Variants in MAD1L1 observed in about 807,000 individuals in gnomAD.
MAD1L1 encodes the protein mitotic spindle assembly checkpoint protein MAD1.
A neutral mutation model predicts 96.9 loss-of-function variants in MAD1L1; 95 were observed. That is an observed-to-expected ratio of 0.98 (90% confidence interval 0.83 to 1.16). The LOEUF (loss-of-function observed/expected upper bound fraction) is 1.16. MAD1L1 is among the 50% of genes most tolerant of loss of function. The pLI is 0.00. For missense variants in MAD1L1, 1,007 were observed against 954.4 expected (o/e 1.06, Z -0.73); for synonymous variants, 473 against 396.6 (o/e 1.19, Z -2.29).
At chr7:2,102,216 G>A (rs1215075739) in intron 11 of MAD1L1, among the ~76,000 whole-genome samples, 3 of 144,600 alleles carry the variant, frequency 2.1e-5, no homozygotes, top group Middle Eastern at 3.7e-3. Context: ...CGTCACCACC[G>A]CCACCGTCGC....
chr7:2,186,888 G>A (rs1288092819), intron 10 of MAD1L1, among the ~76,000 whole-genome samples: 1 of 151,668 alleles, frequency 6.6e-6, no homozygotes, highest in Admixed American at 6.6e-5. Flanking sequence ...CCACCTACCA[G>A]GTTCAAGTGA....
At chr7:1,939,395 C>T (rs774167143) in intron 16 of MAD1L1, among the ~76,000 whole-genome samples, 33 of 152,364 alleles carry the variant, frequency 2.2e-4, no homozygotes, top group African/African-American at 6.5e-4. Flanking sequence ...CCAGGGCTCC[C>T]GCCAAGTGCT....
chr7:2,156,038 G>A (rs1192895704), intron 10 of MAD1L1, among the ~76,000 whole-genome samples: 3 of 152,250 alleles, frequency 2.0e-5, no homozygotes, highest in Non-Finnish European at 4.4e-5. Context: ...TCAGGCAGTT[G>A]CTGCAAAAAG....
intron 11 of MAD1L1, among the ~76,000 whole-genome samples, chr7:2,125,154 C>T (rs921492367): frequency 6.6e-6 from 1 of 152,160 alleles, no homozygotes; most frequent in Non-Finnish European, 1.5e-5. Flanking sequence ...CGTCAGACCC[C>T]GGGTCATGCA....
At chr7:2,174,970 G>A (rs946542740) in intron 10 of MAD1L1, among the ~76,000 whole-genome samples, 11 of 152,162 alleles carry the variant, frequency 7.2e-5, no homozygotes, top group Non-Finnish European at 1.0e-4. Context: ...GTGAGGTGGC[G>A]ACTTCAGTAC....
At chr7:2,019,242 G>A (rs1782674350) in intron 12 of MAD1L1, among the ~76,000 whole-genome samples, 1 of 152,150 alleles carries the variant, frequency 6.6e-6, no homozygotes, top group Non-Finnish European at 1.5e-5. Flanking sequence ...CCCCAGACAG[G>A]AGAAGGCCCT....
At chr7:2,048,594 G>C (rs1035994610) in intron 12 of MAD1L1, among the ~76,000 whole-genome samples, 1 of 152,248 alleles carries the variant, frequency 6.6e-6, no homozygotes, top group African/African-American at 2.4e-5. Flanking sequence ...GCCTGGCACA[G>C]GGCAGGCAGG....
At chr7:1,888,851 G>C (rs1019541945) in intron 18 of MAD1L1, among the ~76,000 whole-genome samples, 1 of 152,220 alleles carries the variant, frequency 6.6e-6, no homozygotes, top group Non-Finnish European at 1.5e-5. Context: ...GTGTCAGTGG[G>C]AGCGTGCATG....
chr7:1,873,175 T>C (rs560806467), intron 18 of MAD1L1, among the ~76,000 whole-genome samples: 1 of 152,240 alleles, frequency 6.6e-6, no homozygotes, highest in South Asian at 2.1e-4. Flanking sequence ...GTGTCCCTTT[T>C]CATAAGGGGG....
chr7:1,828,516 G>A (rs1307258230), intron 18 of MAD1L1, among the ~76,000 whole-genome samples: 1 of 152,228 alleles, frequency 6.6e-6, no homozygotes, highest in Non-Finnish European at 1.5e-5. Context: ...GGGAAAGCCT[G>A]CGAACTAGGC....
intron 12 of MAD1L1, among the ~76,000 whole-genome samples, chr7:2,020,254 CG>C (rs150435100): frequency 2.6e-4 from 39 of 151,876 alleles, no homozygotes; most frequent in Admixed American, 1.2e-3. Flanking sequence ...TCTCCATGAT[CG>C]GGGGGGGCAC....
chr7:1,823,222 A>ATT (rs1474885281), intron 18 of MAD1L1, among the ~76,000 whole-genome samples: 1 of 151,966 alleles, frequency 6.6e-6, no homozygotes, highest in Non-Finnish European at 1.5e-5. Context: ...TTAAAAAAAA[A>ATT]TTTTTTTGAC....
chr7:2,065,482 C>G (rs1424215645), intron 12 of MAD1L1, among the ~76,000 whole-genome samples: 1 of 152,220 alleles, frequency 6.6e-6, no homozygotes, highest in Non-Finnish European at 1.5e-5. Context: ...GTGGGCAGAT[C>G]TGATGCCCCA....
chr7:1,830,329 G>C (rs575910067), intron 18 of MAD1L1, among the ~76,000 whole-genome samples: 122 of 152,282 alleles, frequency 8.0e-4, no homozygotes, highest in African/African-American at 2.8e-3. Context: ...CCTGGGAGGC[G>C]GAGGTTGCAG....
At position 2,028,932 on chromosome 7, in the gene MAD1L1, C is replaced by T. The variant is rs565820772; in HGVS notation, c.1219-14290G>A. ...AAGGCTGCGCAGGGCAACAAGGCTGCGCAGTGCCACGGTCAGTGTGAAGAA... is the reference window on the plus strand; with the variant it reads ...AAGGCTGCGCAGGGCAACAAGGCTGTGCAGTGCCACGGTCAGTGTGAAGAA... On this transcript the variant is annotated intron_variant, in intron 12 of 18. Transcript: ENST00000265854. Among the ~76,000 whole-genome samples, 13 of 151,976 alleles carry T rather than the reference C, an allele frequency of 8.6e-5. No individual in the cohort carries two copies. The East Asian group carries it at 1.2e-3, about 14-fold the overall frequency.
At chr7:2,049,816 G>C (rs969156825) in intron 12 of MAD1L1, among the ~76,000 whole-genome samples, 4 of 151,710 alleles carry the variant, frequency 2.6e-5, no homozygotes, top group Admixed American at 1.3e-4. Flanking sequence ...TCCAACATCT[G>C]CTGGCACCAT....
intron 11 of MAD1L1, among the ~76,000 whole-genome samples, chr7:2,104,521 A>G (rs1254024884): frequency 6.6e-6 from 1 of 152,196 alleles, no homozygotes; most frequent in Non-Finnish European, 1.5e-5. Context: ...GCCACCAGAG[A>G]CAGGCTGGGC....
intron 10 of MAD1L1, among the ~76,000 whole-genome samples, chr7:2,163,405 ACT>A (rs1223949734): frequency 6.6e-6 from 1 of 152,006 alleles, no homozygotes. Flanking sequence ...ACAGAGTCTC[ACT>A]CTGTCGCCCA....
intron 11 of MAD1L1, among the ~76,000 whole-genome samples, chr7:2,081,987 T>C (rs1785676116): frequency 6.6e-6 from 1 of 151,886 alleles, no homozygotes; most frequent in South Asian, 2.1e-4. Flanking sequence ...ATCATGGAGA[T>C]TAGGAGAGAG....
Sources: gnomAD v4.1 joint callset for allele counts (sites outside exome capture counted in the v4.1 genomes callset) on GRCh38, gnomAD v4.1.1 for gene constraint, MANE v1.5 for transcripts, NCBI Gene and HGNC (gene_info 2026-07-23, HGNC 2026-07-21) for gene names.